The following ADAMTSL1 variants were observed in gnomAD, a reference collection of about 807,000 sequenced individuals.
ADAMTSL1 encodes ADAMTS like 1.
A neutral mutation model predicts 201.8 loss-of-function variants in ADAMTSL1; 126 were observed. That is an observed-to-expected ratio of 0.62 (90% CI 0.54 to 0.72). The LOEUF (loss-of-function observed/expected upper bound fraction) is 0.72, where lower values mean the gene tolerates loss of function less well. Ranked by LOEUF, ADAMTSL1 falls within the 30% of genes least tolerant of loss-of-function variation. The pLI, the probability that ADAMTSL1 is intolerant of heterozygous loss-of-function variation, is 0.00. For synonymous variants in ADAMTSL1, 1,121 were observed against 903.4 expected, an observed-to-expected ratio of 1.24 and a Z score of -4.32; for missense variants, 2,679 against 2,277.8, an observed-to-expected ratio of 1.18 and a Z score of -3.59.
chr9:18,140,892 C>T (rs1826370066), intron 1 of ADAMTSL1, among the ~76,000 whole-genome samples: 1 of 152,190 alleles, frequency 6.6e-6, no homozygotes, highest in Admixed American at 6.5e-5. Flanking sequence ...AATTAGGCTA[C>T]TTGGAAAACA....
In ADAMTSL1 at chr9:18,803,367, G is replaced by A. The variant is rs369037993; in HGVS notation, c.3805+7843G>A. Among the ~76,000 whole-genome samples the A allele has an allele frequency of 8.5e-5, 13 of 152,286 alleles. No homozygotes were observed. The East Asian group carries it at 1.9e-3, about 23-fold the overall frequency. On this transcript the variant is annotated intron_variant, in intron 20 of 28. Coordinates refer to ENST00000380548, the MANE Select transcript of ADAMTSL1 (RefSeq NM_001040272.6). Reference sequence around the variant, plus strand: ...TCCTCCATCTTCACAACCAGCAATGGAGGGCTGAGTTTTCATGTTGCCCAA... The same window carrying A: ...TCCTCCATCTTCACAACCAGCAATGAAGGGCTGAGTTTTCATGTTGCCCAA...
chr9:18,717,959 A>C, intron 14 of ADAMTSL1: 1 of 1,497,196 alleles, frequency 6.7e-7, no homozygotes, highest in Non-Finnish European at 9.3e-7. Context: ...CAGAGCTGCA[A>C]TGCACTTAGT....
intron 2 of ADAMTSL1, among the ~76,000 whole-genome samples, chr9:18,339,539 A>G (rs779145926): frequency 3.3e-5 from 5 of 152,202 alleles, no homozygotes; most frequent in Non-Finnish European, 5.9e-5. Context: ...TGTGGAAAGC[A>G]GTTTGGCAAT....
chr9:18,593,663 C>G (rs756291787), intron 4 of ADAMTSL1, among the ~76,000 whole-genome samples: 5 of 152,048 alleles, frequency 3.3e-5, no homozygotes, highest in Admixed American at 6.5e-5. Flanking sequence ...TATTCATTCA[C>G]CCACTGGTCA....
chr9:18,363,933 GGAAC>G (rs1200198847), intron 2 of ADAMTSL1, among the ~76,000 whole-genome samples: 2 of 144,060 alleles, frequency 1.4e-5, no homozygotes, highest in African/African-American at 5.2e-5. Flanking sequence ...AATAGAGGAA[GGAAC>G]ATAGTTTCTA....
chr9:17,977,398 A>G (rs1818498682), intron 1 of ADAMTSL1, among the ~76,000 whole-genome samples: 1 of 152,116 alleles, frequency 6.6e-6, no homozygotes, highest in South Asian at 2.1e-4. Flanking sequence ...GCTATTAGTT[A>G]TTCTTTAAAT....
intron 2 of ADAMTSL1, among the ~76,000 whole-genome samples, chr9:18,187,768 G>A (rs2132217548): frequency 6.6e-6 from 1 of 152,140 alleles, no homozygotes; most frequent in South Asian, 2.1e-4. Context: ...AGGTAGGGAA[G>A]GAAGGAAAAT....
chr9:18,861,815 G>C (rs998570987), intron 23 of ADAMTSL1, among the ~76,000 whole-genome samples: 21 of 152,148 alleles, frequency 1.4e-4, no homozygotes, highest in Non-Finnish European at 3.1e-4. Flanking sequence ...GATCCTTTCA[G>C]ACACCTCTGT....
chr9:18,156,942 T>A (rs1827182145), intron 1 of ADAMTSL1, among the ~76,000 whole-genome samples: 1 of 152,080 alleles, frequency 6.6e-6, no homozygotes, highest in African/African-American at 2.4e-5. Context: ...GATAATTGGC[T>A]TTATGTTTTG....
At chr9:18,521,290 A>C (rs1818676897) in intron 2 of ADAMTSL1, among the ~76,000 whole-genome samples, 1 of 152,104 alleles carries the variant, frequency 6.6e-6, no homozygotes, top group African/African-American at 2.4e-5. Context: ...GTACATTTTT[A>C]AAGTACTAAA....
At chr9:18,137,038 A>T (rs1587134504) in intron 1 of ADAMTSL1, among the ~76,000 whole-genome samples, 1 of 152,120 alleles carries the variant, frequency 6.6e-6, no homozygotes, top group South Asian at 2.1e-4. Flanking sequence ...AAGACATTTG[A>T]GAGATTATCA....
At chr9:18,459,187 T>C (rs1049341635) in intron 2 of ADAMTSL1, among the ~76,000 whole-genome samples, 1 of 152,220 alleles carries the variant, frequency 6.6e-6, no homozygotes, top group South Asian at 2.1e-4. Context: ...ATTAAATAAA[T>C]ATTATTTGAG....
intron 1 of ADAMTSL1, among the ~76,000 whole-genome samples, chr9:17,972,585 C>T (rs891048532): frequency 6.6e-6 from 1 of 151,760 alleles, no homozygotes; most frequent in African/African-American, 2.4e-5. Flanking sequence ...TAGGTTGGTT[C>T]CAAGTCTTTG....
rs1587997989 is a variant in ADAMTSL1 at position 18,728,394 on chromosome 9, CCG to C, written c.2006+6730_2006+6731del. On this transcript the variant is annotated intron_variant, in intron 15 of 28. Coordinates refer to ENST00000380548, the MANE Select transcript of ADAMTSL1 (RefSeq NM_001040272.6). ...ACTCTGGGAAATGTCTTTATATAGA[CCG>C]TTGGTTAACGTTAACTTTCTGCACA... Among the ~76,000 whole-genome samples, 4 of 152,134 alleles carry C rather than the reference CCG, an allele frequency of 2.6e-5. No individual in the cohort carries two copies. In the East Asian group the frequency reaches 7.8e-4, roughly 29 times the overall value.
intron 2 of ADAMTSL1, among the ~76,000 whole-genome samples, chr9:18,221,309 T>C (rs897886583): frequency 3.9e-5 from 6 of 152,226 alleles, no homozygotes; most frequent in Admixed American, 3.9e-4. Flanking sequence ...GAATGCATTA[T>C]GTTTCTTTAA....
intron 2 of ADAMTSL1, among the ~76,000 whole-genome samples, chr9:18,321,185 A>C (rs1166383697): frequency 6.6e-6 from 1 of 152,198 alleles, no homozygotes; most frequent in African/African-American, 2.4e-5. Flanking sequence ...TACAAGGTTC[A>C]TTTCAGGACA....
chr9:18,032,540 A>C (rs1189716369), intron 1 of ADAMTSL1, among the ~76,000 whole-genome samples: 3 of 152,102 alleles, frequency 2.0e-5, no homozygotes, highest in Non-Finnish European at 4.4e-5. Flanking sequence ...GATCAGATGC[A>C]CCTTAGTACC....
intron 4 of ADAMTSL1, among the ~76,000 whole-genome samples, chr9:18,603,065 A>G (rs2132549057): frequency 6.6e-6 from 1 of 152,326 alleles, no homozygotes; most frequent in South Asian, 2.1e-4. Context: ...TTAAAACACC[A>G]ACTAACATCC....
At chr9:18,823,502 G>T (rs1280985658) in intron 21 of ADAMTSL1, among the ~76,000 whole-genome samples, 1 of 152,082 alleles carries the variant, frequency 6.6e-6, no homozygotes, top group African/African-American at 2.4e-5. Flanking sequence ...TAGCTCCCAG[G>T]TCTGCTTCCA....
Sources: allele counts gnomAD v4.1 joint callset (sites outside exome capture counted in the v4.1 genomes callset), GRCh38; gene constraint gnomAD v4.1.1; transcripts MANE v1.5; gene names NCBI Gene and HGNC (gene_info 2026-07-23, HGNC 2026-07-21).